The following LSAMP variants were observed in gnomAD, a reference collection of about 807,000 sequenced individuals.
LSAMP encodes the protein limbic system associated membrane protein.
Under a neutral mutation model 38.6 loss-of-function variants are expected in LSAMP, and 7 were observed. That is an observed-to-expected ratio of 0.18 (90% confidence interval 0.10 to 0.34). LSAMP has a LOEUF of 0.34. Ranked by LOEUF, LSAMP falls within the 10% of genes least tolerant of loss-of-function variation. The pLI, the probability that LSAMP is intolerant of heterozygous loss-of-function variation, is 1.00. For missense variants in LSAMP, 313 were observed against 420.0 expected, an observed-to-expected ratio of 0.75 and a Z score of 2.23; for synonymous variants, 154 against 166.8, an observed-to-expected ratio of 0.92 and a Z score of 0.59.
In LSAMP at chr3:116,224,412, G is replaced by C. The variant is rs564968219; in HGVS notation, c.156-137856C>G. On this transcript the variant is annotated intron_variant, in intron 1 of 6. Transcript: ENST00000490035. Reference sequence around the variant, plus strand: ...TAAAAAATGCATAGACTCATCCTTGGTTGCTGCCTTTCCTTTTAGAATAAC... The same window carrying C: ...TAAAAAATGCATAGACTCATCCTTGCTTGCTGCCTTTCCTTTTAGAATAAC... 6.6e-5 allele frequency among the ~76,000 whole-genome samples: 10 copies of C among 152,206 alleles called. No individual in the cohort carries two copies. In the South Asian group the frequency reaches 2.1e-3, roughly 32 times the overall value.
chr3:116,082,075 ATGT>A (rs2107411542), intron 2 of LSAMP, among the ~76,000 whole-genome samples: 1 of 152,332 alleles, frequency 6.6e-6, no homozygotes, highest in East Asian at 1.9e-4. Context: ...CGTTTTAAAA[ATGT>A]TGTCATGTGA....
intron 1 of LSAMP, among the ~76,000 whole-genome samples, chr3:116,129,140 T>G (rs1461408910): frequency 6.6e-6 from 1 of 152,162 alleles, no homozygotes; most frequent in Non-Finnish European, 1.5e-5. Flanking sequence ...GATCTTGATG[T>G]GAATCATTCG....
chr3:116,368,390 T>C (rs2048384005), intron 1 of LSAMP: 1 of 152,204 alleles, frequency 6.6e-6, no homozygotes, highest in Admixed American at 6.5e-5. Context: ...CTCACCTGTA[T>C]CTCTGAAGAT....
chr3:115,896,714 T>G (rs146235019), intron 3 of LSAMP, among the ~76,000 whole-genome samples: 2 of 152,138 alleles, frequency 1.3e-5, no homozygotes, highest in Non-Finnish European at 2.9e-5. Flanking sequence ...TAATTTCTAC[T>G]GTTCTCCTCA....
intron 1 of LSAMP, among the ~76,000 whole-genome samples, chr3:116,126,492 A>G (rs1709010611): frequency 1.3e-5 from 2 of 152,222 alleles, no homozygotes; most frequent in Non-Finnish European, 2.9e-5. Context: ...TTGAGCACCT[A>G]TGTCCACAGT....
intron 2 of LSAMP, among the ~76,000 whole-genome samples, chr3:116,071,247 A>G (rs1427773334): frequency 1.3e-5 from 2 of 151,190 alleles, no homozygotes; most frequent in African/African-American, 4.8e-5. Context: ...AAAAATAAAA[A>G]GAAATATAAA....
intron 3 of LSAMP, among the ~76,000 whole-genome samples, chr3:115,889,509 A>T (rs764491689): frequency 6.6e-6 from 1 of 151,916 alleles, no homozygotes; most frequent in Admixed American, 6.6e-5. Flanking sequence ...GGCAAAACTG[A>T]TATTTCTAAT....
chr3:116,254,885 A>T (rs967699089), intron 1 of LSAMP, among the ~76,000 whole-genome samples: 4 of 152,312 alleles, frequency 2.6e-5, no homozygotes. Flanking sequence ...ATCTCTCAGA[A>T]TTATTCTATA....
At chr3:116,176,178 G>C (rs2107561625) in intron 1 of LSAMP, among the ~76,000 whole-genome samples, 1 of 152,212 alleles carries the variant, frequency 6.6e-6, no homozygotes, top group South Asian at 2.1e-4. Context: ...GGCAATTTCA[G>C]ACACTTTATG....
At chr3:116,262,705 A>G (rs148429536) in intron 1 of LSAMP, among the ~76,000 whole-genome samples, 130 of 152,364 alleles carry the variant, frequency 8.5e-4, no homozygotes, top group African/African-American at 3.0e-3. Flanking sequence ...ATTTCAGGTC[A>G]TAAATCATTC....
In LSAMP at chr3:115,808,047, A is replaced by C. The variant is rs1472047102; in HGVS notation, c.*2270T>G. 2 of 150,936 alleles carry C rather than the reference A, an allele frequency of 1.3e-5. No individual in the cohort carries two copies. Among genetic ancestry groups the C allele is most frequent in the African/African-American group, 4.9e-5 (2 of 41,066 alleles). The allele number at this position is 150,936 out of a possible 1,614,324, so 9.3% of individuals were successfully genotyped here. The stretch of plus-strand genomic sequence containing the variant: ...AGAAATTGAAGAAATTAACAATGCT[A>C]CTTAGATCTTTCTCCCTCCTGCCTT... On this transcript the variant is annotated 3_prime_UTR_variant, in exon 7 of 7. Coordinates refer to ENST00000490035, the MANE Select transcript of LSAMP (RefSeq NM_002338.5).
At chr3:116,371,867 T>C (rs891434178) in intron 1 of LSAMP, among the ~76,000 whole-genome samples, 8 of 152,038 alleles carry the variant, frequency 5.3e-5, no homozygotes, top group African/African-American at 1.7e-4. Flanking sequence ...ACAAAATCAG[T>C]TACATTTCTA....
intron 1 of LSAMP, among the ~76,000 whole-genome samples, chr3:116,393,534 C>T (rs1478600399): frequency 6.6e-6 from 1 of 152,178 alleles, no homozygotes; most frequent in Non-Finnish European, 1.5e-5. Flanking sequence ...GTGTGGGACC[C>T]AGGCTGGTAG....
intron 1 of LSAMP, among the ~76,000 whole-genome samples, chr3:116,162,019 G>A (rs926188165): frequency 6.6e-6 from 1 of 151,850 alleles, no homozygotes; most frequent in Non-Finnish European, 1.5e-5. Context: ...AAGCAGAAAA[G>A]AAAATGAAAG....
At chr3:115,988,105 G>C (rs1043368403) in intron 3 of LSAMP, among the ~76,000 whole-genome samples, 1 of 152,198 alleles carries the variant, frequency 6.6e-6, no homozygotes, top group East Asian at 1.9e-4. Flanking sequence ...TCATCTAAAA[G>C]CTTTCTAACT....
At chr3:116,356,650 C>G (rs942296679) in intron 1 of LSAMP, among the ~76,000 whole-genome samples, 6 of 152,276 alleles carry the variant, frequency 3.9e-5, no homozygotes, top group Non-Finnish European at 8.8e-5. Flanking sequence ...ACATTTTTCT[C>G]TGTTGTGATT....
Position 115,804,586 on chromosome 3 carries a change from TTTC to T in LSAMP, c.*5728_*5730del, listed in dbSNP as rs2107435190. 1 of 152,222 alleles carries T rather than the reference TTTC, an allele frequency of 6.6e-6. No individual in the cohort carries two copies. The highest frequency in any genetic ancestry group is 2.1e-4 in the South Asian group (1 of 4,828). The allele number at this position is 152,222 out of a possible 1,614,324, so 9.4% of individuals were successfully genotyped here. A position where few individuals can be genotyped will look rare whatever the true frequency, so the allele number is the denominator to read the frequency against. Reference sequence around the variant, plus strand: ...GCCCTTAAAACTCCTTCCTGTTTTTTTTCTTTTTTTTTCTCTTAGGTAGATTAG... The same window carrying T: ...GCCCTTAAAACTCCTTCCTGTTTTTTTTTTTTTTTCTCTTAGGTAGATTAG... On this transcript the variant is annotated 3_prime_UTR_variant, in exon 7 of 7. Transcript: ENST00000490035.
At chr3:115,900,406 C>G (rs576549842) in intron 3 of LSAMP, among the ~76,000 whole-genome samples, 4 of 149,596 alleles carry the variant, frequency 2.7e-5, no homozygotes, top group African/African-American at 9.8e-5. Flanking sequence ...TCCCTAGCTA[C>G]TTGGGGGGCT....
chr3:116,276,684 G>GAAAAAAAAAAAAAAAAAA (rs200897808), intron 1 of LSAMP, among the ~76,000 whole-genome samples: 1 of 106,816 alleles, frequency 9.4e-6, no homozygotes. Flanking sequence ...TAAAAAAAAA[G>GAAAAAAAAAAAAAAAAAA]AAAAAAAAAA....
Sources: gnomAD v4.1 joint callset for allele counts (sites outside exome capture counted in the v4.1 genomes callset) on GRCh38, gnomAD v4.1.1 for gene constraint, MANE v1.5 for transcripts, NCBI Gene and HGNC (gene_info 2026-07-23, HGNC 2026-07-21) for gene names.